PFKFB2: variants seen among roughly 807,000 people sequenced by gnomAD.
PFKFB2 encodes 6-phosphofructo-2-kinase/fructose-2,6-biphosphatase 2.
A neutral mutation model predicts 68.0 loss-of-function variants in PFKFB2; 53 were observed. The ratio of observed to expected loss-of-function variants is 0.78; its 90% confidence interval spans 0.63 to 0.98. The LOEUF (loss-of-function observed/expected upper bound fraction) is 0.98. PFKFB2 is among the 50% of genes least tolerant of loss of function. PFKFB2 has a pLI of 0.00. For missense variants in PFKFB2, 451 were observed against 642.0 expected, an observed-to-expected ratio of 0.70 and a Z score of 3.22; for synonymous variants, 222 against 227.6, an observed-to-expected ratio of 0.98 and a Z score of 0.22.
upstream of PFKFB2, chr1:207,050,541 TTC>T: frequency 2.0e-6 from 2 of 1,024,794 alleles, no homozygotes; most frequent in Non-Finnish European, 2.8e-6. Flanking sequence ...CCCGTCAGCA[TTC>T]TCTGTTCTTT....
chr1:207,053,904 A>AT (rs574695365), intron 1 of PFKFB2, among the ~76,000 whole-genome samples: 10,574 of 97,984 alleles, frequency 0.11, 1,233 homozygotes, highest in African/African-American at 0.27. Flanking sequence ...TTCATTTTTC[A>AT]TTTTTTTTTT....
Position 207,054,753 on chromosome 1 carries a change from C to G in PFKFB2, c.36C>G (p.Asn12Lys), listed in dbSNP as rs147250602. 90 of 1,613,958 alleles carry G rather than the reference C, an allele frequency of 5.6e-5. No homozygotes were observed. The African/African-American group carries it at 1.1e-3, about 20-fold the overall frequency. The change falls in exon 2 of 15, where the codon AAC becomes AAG. Residue 12 changes from asparagine to lysine, a missense_variant. Transcript: ENST00000367080. ...CATCTTCCTCAGAACAGAACAACAA[C>G]AGCTATGAAACCAAAACCCCAAATC... The part of the protein sequence containing the change: ...SGASSSEQNN[N>K]SYETKTPNLR...
chr1:207,051,545 G>C (rs762001251), upstream of PFKFB2, among the ~76,000 whole-genome samples: 1 of 152,178 alleles, frequency 6.6e-6, no homozygotes, highest in African/African-American at 2.4e-5. Context: ...GCTTGAAAAC[G>C]TCTATTTGCC....
At position 207,073,768 on chromosome 1, in the gene PFKFB2, C is replaced by G; in HGVS notation, c.*1397C>G. On this transcript the variant is annotated 3_prime_UTR_variant, in exon 15 of 15. Coordinates refer to ENST00000367080, the MANE Select transcript of PFKFB2 (RefSeq NM_006212.2). Reference sequence around the variant, plus strand: ...ATGTTTAGGGAAGAAATTCTTAGCCCCTTGATGACCATGATGGCTTATTCT... The same window carrying G: ...ATGTTTAGGGAAGAAATTCTTAGCCGCTTGATGACCATGATGGCTTATTCT... 2.0e-6 allele frequency: 2 copies of G among 984,312 alleles called. No homozygotes were observed. The highest frequency in any genetic ancestry group is 2.4e-6 in the Non-Finnish European group (2 of 829,000). 61.0% of individuals were successfully genotyped at this position (984,312 alleles called of 1,614,324 possible). A position where few individuals can be genotyped will look rare whatever the true frequency, so the allele number is the denominator to read the frequency against.
intron 1 of PFKFB2, among the ~76,000 whole-genome samples, chr1:207,038,146 G>T (rs1207877626): frequency 6.6e-6 from 1 of 152,022 alleles, no homozygotes; most frequent in Non-Finnish European, 1.5e-5. Context: ...ATGATCTTAG[G>T]ATAACTTTAT....
At chr1:207,067,208 C>T (rs764851369) in intron 8 of PFKFB2, among the ~76,000 whole-genome samples, 21 of 152,222 alleles carry the variant, frequency 1.4e-4, no homozygotes, top group South Asian at 8.3e-4. Context: ...CCTAGTCTAG[C>T]CCCTGATGGG....
chr1:207,057,213 C>T (rs1053512199), intron 2 of PFKFB2, among the ~76,000 whole-genome samples: 3 of 148,142 alleles, frequency 2.0e-5, no homozygotes, highest in East Asian at 2.0e-4. Flanking sequence ...TTTGGGAGGC[C>T]GAGGAGGGTG....
chr1:207,078,851 G>A, downstream of PFKFB2: 2 of 926,308 alleles, frequency 2.2e-6, no homozygotes, highest in Non-Finnish European at 3.5e-6. Context: ...GGATGGGGAG[G>A]TTGAGGGAGG....
chr1:207,057,257 C>G (rs1262217631), intron 2 of PFKFB2, among the ~76,000 whole-genome samples: 1 of 138,512 alleles, frequency 7.2e-6, no homozygotes, highest in African/African-American at 2.7e-5. Flanking sequence ...ACCATCCTGG[C>G]TAACATGGTG....
chr1:207,067,387 G>A, intron 8 of PFKFB2, 112 bp from the exon 9 acceptor site: 3 of 706,354 alleles, frequency 4.2e-6, no homozygotes, highest in Non-Finnish European at 7.3e-6. Flanking sequence ...GACAGAGGAG[G>A]GGAGGAAGAG....
chr1:207,048,403 T>C (rs1284226764), upstream of PFKFB2: 4 of 153,704 alleles, frequency 2.6e-5, no homozygotes, highest in Non-Finnish European at 5.8e-5. Flanking sequence ...TTATAATGTC[T>C]ACCAAATTGC....
chr1:207,052,346 G>A, upstream of PFKFB2: 1 of 912,132 alleles, frequency 1.1e-6, no homozygotes, highest in Non-Finnish European at 1.7e-6. Context: ...GTAGGTAGGA[G>A]GGAAGGTAGG....
At chr1:207,049,665 A>G, upstream of PFKFB2, 3 of 1,614,216 alleles carry the variant, frequency 1.9e-6, no homozygotes, top group Non-Finnish European at 2.5e-6. Context: ...CACCACGTTT[A>G]GTAAATGCAG....
At chr1:207,067,873 G>A (rs1201788489) in intron 9 of PFKFB2, among the ~76,000 whole-genome samples, 167 bp downstream of exon 9, 1 of 152,208 alleles carries the variant, frequency 6.6e-6, no homozygotes, top group East Asian at 1.9e-4. Context: ...CTAGCTCTGT[G>A]TTAAAGAGTA....
upstream of PFKFB2, chr1:207,050,950 G>T (rs778669007): frequency 1.9e-6 from 3 of 1,572,136 alleles, no homozygotes; most frequent in Middle Eastern, 1.7e-4. Context: ...CTTTGGTCCC[G>T]GCAGCCTGTT....
At chr1:207,036,073 T>C (rs1682372270) in intron 1 of PFKFB2, among the ~76,000 whole-genome samples, 1 of 152,118 alleles carries the variant, frequency 6.6e-6, no homozygotes. Flanking sequence ...ACTTACTCAT[T>C]ACAAAAGGAC....
chr1:207,038,628 T>A (rs2629668), intron 1 of PFKFB2, among the ~76,000 whole-genome samples: 12,144 of 152,202 alleles, frequency 0.08, 1,571 homozygotes, highest in African/African-American at 0.27. Context: ...CTTTCCCAGA[T>A]TCACCAATTT....
At chr1:207,043,641 T>C (rs939054522) in intron 2 of PFKFB2, among the ~76,000 whole-genome samples, 1 of 152,124 alleles carries the variant, frequency 6.6e-6, no homozygotes, top group South Asian at 2.1e-4. Flanking sequence ...TAGAAAAAAA[T>C]TTAGTCAATG....
At chr1:207,066,153 C>T (rs541020398) in intron 8 of PFKFB2, among the ~76,000 whole-genome samples, 1 of 152,234 alleles carries the variant, frequency 6.6e-6, no homozygotes, top group South Asian at 2.1e-4. Flanking sequence ...GCTGTTGTTA[C>T]TATGGAAGCA....
Sources: gnomAD v4.1 joint callset for allele counts (sites outside exome capture counted in the v4.1 genomes callset) on GRCh38, gnomAD v4.1.1 for gene constraint, MANE v1.5 for transcripts, NCBI Gene and HGNC (gene_info 2026-07-23, HGNC 2026-07-21) for gene names.